Variants in KLF12 observed in about 807,000 individuals in gnomAD.
The protein encoded by KLF12 is KLF transcription factor 12, also known as Krueppel-like factor 12.
A neutral mutation model predicts 37.8 loss-of-function variants in KLF12; 9 were observed. The ratio of observed to expected loss-of-function variants is 0.24; its 90% CI spans 0.14 to 0.42. The LOEUF is 0.42. Ranked by LOEUF, KLF12 falls within the 10% of genes least tolerant of loss-of-function variation. KLF12 has a pLI of 1.00. For missense variants in KLF12, 411 were observed against 516.0 expected (o/e 0.80, Z 1.97); for synonymous variants, 208 against 202.1 (o/e 1.03, Z -0.25).
At chr13:74,217,101 C>T in the KLF12 span, among the ~76,000 whole-genome samples, 1 of 152,046 alleles carries the variant, frequency 6.6e-6, no homozygotes, top group East Asian at 1.9e-4. Flanking sequence ...AAACTCAAAT[C>T]ATAAATTTCT....
intron 5 of KLF12, among the ~76,000 whole-genome samples, chr13:73,796,507 C>CTGTGTGTGTG (rs5804694): frequency 0.15 from 21,570 of 140,080 alleles, 1,953 homozygotes; most frequent in Non-Finnish European, 0.21. Context: ...TGCCCCTGTG[C>CTGTGTGTGTG]TGTGTGTGTG....
chr13:73,713,827 A>G (rs1875592483), intron 7 of KLF12, among the ~76,000 whole-genome samples: 1 of 152,248 alleles, frequency 6.6e-6, no homozygotes, highest in South Asian at 2.1e-4. Flanking sequence ...TGTCTGTGTG[A>G]AAATGAGGCT....
intron 3 of KLF12, among the ~76,000 whole-genome samples, chr13:73,856,158 G>T (rs1885596679): frequency 6.6e-6 from 1 of 152,178 alleles, no homozygotes; most frequent in Non-Finnish European, 1.5e-5. Flanking sequence ...GCCAGGCTGG[G>T]GACTTAGAGA....
At chr13:73,812,884 T>C (rs1166791887) in intron 5 of KLF12, 1 of 305,128 alleles carries the variant, frequency 3.3e-6, no homozygotes, top group Non-Finnish European at 6.0e-6. Context: ...TTTTTTTTTT[T>C]TGCAGAGTTC....
At chr13:73,818,214 C>A (rs988943265) in intron 4 of KLF12, among the ~76,000 whole-genome samples, 1 of 152,248 alleles carries the variant, frequency 6.6e-6, no homozygotes, top group African/African-American at 2.4e-5. Flanking sequence ...GGCGCGATCT[C>A]GGCTCACTGC....
In KLF12 at chr13:73,923,561, G is replaced by C. The variant is rs149595382; in HGVS notation, c.123+20420C>G. Among the ~76,000 whole-genome samples the C allele has an allele frequency of 3.3e-3, 500 of 152,262 alleles. 2 individuals carry two copies. The highest frequency in any genetic ancestry group is 5.4e-3 in the Non-Finnish European group (367 of 68,030). ...ACAGGGCAGACATTCTGAGGGTCAG[G>C]GCAGTCACTTTTTAATTGTTCCATT... On this transcript the variant is annotated intron_variant, in intron 3 of 7. Transcript: ENST00000377669.
At chr13:74,173,586 G>A in the KLF12 span, among the ~76,000 whole-genome samples, 1 of 152,224 alleles carries the variant, frequency 6.6e-6, no homozygotes, top group Non-Finnish European at 1.5e-5. Context: ...TGTGTTGAAT[G>A]TAGTACAACA....
intron 1 of KLF12, among the ~76,000 whole-genome samples, chr13:74,031,434 A>C (rs914169970): frequency 6.6e-6 from 1 of 152,142 alleles, no homozygotes; most frequent in East Asian, 1.9e-4. Flanking sequence ...GATAAATCTT[A>C]ACTCTAGGTT....
At chr13:74,262,832 C>T in the KLF12 span, among the ~76,000 whole-genome samples, 72 of 151,906 alleles carry the variant, frequency 4.7e-4, no homozygotes, top group African/African-American at 1.4e-3. Flanking sequence ...CATATATGTA[C>T]GTATATATGT....
intron 1 of KLF12, among the ~76,000 whole-genome samples, chr13:74,063,197 T>C (rs1243385156): frequency 6.6e-6 from 1 of 152,222 alleles, no homozygotes; most frequent in Admixed American, 6.5e-5. Flanking sequence ...AGTCTGCTCC[T>C]GAGTGGAAGA....
chr13:74,303,546 G>T, the KLF12 span, among the ~76,000 whole-genome samples: 1 of 152,122 alleles, frequency 6.6e-6, no homozygotes, highest in African/African-American at 2.4e-5. Context: ...GTTTATAAAA[G>T]ATGCTATTGA....
the KLF12 span, among the ~76,000 whole-genome samples, chr13:74,205,881 T>G: frequency 1.3e-5 from 2 of 152,042 alleles, no homozygotes; most frequent in African/African-American, 4.8e-5. Context: ...GAGAGAAAAT[T>G]GATGAATATG....
chr13:73,982,052 T>G (rs1011285059), intron 2 of KLF12, among the ~76,000 whole-genome samples: 1 of 75,032 alleles, frequency 1.3e-5, no homozygotes, highest in Non-Finnish European at 3.0e-5. Context: ...TTTTTATCTT[T>G]CAAATACTTA....
intron 1 of KLF12, among the ~76,000 whole-genome samples, chr13:74,108,314 T>C (rs1240948560): frequency 6.6e-6 from 1 of 152,066 alleles, no homozygotes; most frequent in Non-Finnish European, 1.5e-5. Context: ...GATGACCACT[T>C]CATTCTCACT....
the KLF12 span, among the ~76,000 whole-genome samples, chr13:74,301,120 C>T: frequency 6.6e-6 from 1 of 152,150 alleles, no homozygotes; most frequent in Non-Finnish European, 1.5e-5. Flanking sequence ...AACTTTCTGA[C>T]TCACCTACCT....
At chr13:73,900,645 A>G (rs926571334) in intron 3 of KLF12, among the ~76,000 whole-genome samples, 3 of 152,112 alleles carry the variant, frequency 2.0e-5, no homozygotes, top group Non-Finnish European at 4.4e-5. Flanking sequence ...AAAAAAAACT[A>G]ATCGTGCATA....
the KLF12 span, among the ~76,000 whole-genome samples, chr13:74,195,881 G>A: frequency 2.0e-5 from 3 of 152,198 alleles, no homozygotes; most frequent in Admixed American, 2.0e-4. Flanking sequence ...ACCGCACCTG[G>A]CAGTTGAATT....
At chr13:73,817,329 G>GAA (rs1384942838) in intron 4 of KLF12, among the ~76,000 whole-genome samples, 1 of 82,086 alleles carries the variant, frequency 1.2e-5, no homozygotes, top group African/African-American at 4.5e-5. Flanking sequence ...AAAAAAAAAA[G>GAA]AAAAGAAAAA....
chr13:73,768,364 T>C (rs187158174), intron 5 of KLF12, among the ~76,000 whole-genome samples: 2 of 152,298 alleles, frequency 1.3e-5, no homozygotes. Context: ...AGTCAGAGGA[T>C]AGAGCTGGAC....
Sources: gnomAD v4.1 joint callset for allele counts (sites outside exome capture counted in the v4.1 genomes callset) on GRCh38, gnomAD v4.1.1 for gene constraint, MANE v1.5 for transcripts, NCBI Gene and HGNC (gene_info 2026-07-23, HGNC 2026-07-21) for gene names.